Variants in ATP8A2 observed in about 807,000 individuals in gnomAD.
ATP8A2 encodes phospholipid-transporting ATPase IB.
A neutral mutation model predicts 165.6 loss-of-function variants in ATP8A2; 100 were observed. The observed-to-expected ratio is 0.60, with a 90% CI of 0.51 to 0.71. The LOEUF (loss-of-function observed/expected upper bound fraction) is 0.71, where lower values mean the gene tolerates loss of function less well. Ranked by LOEUF, ATP8A2 falls within the 30% of genes least tolerant of loss-of-function variation. The pLI is 0.00. For missense variants in ATP8A2, 1,227 were observed against 1,479.5 expected (o/e 0.83, Z 2.80); for synonymous variants, 543 against 548.8 (o/e 0.99, Z 0.15).
chr13:25,878,810 T>G (rs1952890306), intron 33 of ATP8A2, among the ~76,000 whole-genome samples: 2 of 152,018 alleles, frequency 1.3e-5, no homozygotes, highest in Non-Finnish European at 2.9e-5. Flanking sequence ...CACCTTCCAC[T>G]CACTCTGTCT....
chr13:25,839,541 C>G lies in ATP8A2; in HGVS notation c.2878-5C>G, dbSNP rs1376315982. The G allele has an allele frequency of 1.9e-6, 3 of 1,613,334 alleles. No homozygotes were observed. The highest frequency in any genetic ancestry group is 2.5e-6 in the Non-Finnish European group (3 of 1,179,454). ...TCCTGACTCCCTTGGTTTGTTTTTC[C>G]TTAGGTTTTCTGGGGTCACTGCATC... On this transcript the variant is annotated splice_polypyrimidine_tract_variant and splice_region_variant and intron_variant, in intron 29 of 36. Transcript: ENST00000381655.
intron 33 of ATP8A2, among the ~76,000 whole-genome samples, chr13:25,956,393 C>G (rs1056987925): frequency 6.6e-5 from 10 of 152,204 alleles, no homozygotes; most frequent in African/African-American, 2.4e-4. Context: ...CCCAAAATCT[C>G]CTTAAGCTGA....
intron 24 of ATP8A2, among the ~76,000 whole-genome samples, chr13:25,637,536 T>A (rs1228642316): frequency 6.6e-6 from 1 of 152,154 alleles, no homozygotes; most frequent in East Asian, 1.9e-4. Context: ...GAGATCGAAT[T>A]GCAAGATGGC....
chr13:25,604,296 T>C (rs927596295), intron 24 of ATP8A2, among the ~76,000 whole-genome samples: 2 of 152,108 alleles, frequency 1.3e-5, no homozygotes, highest in Admixed American at 1.3e-4. Flanking sequence ...GAAATAATTA[T>C]TGGATTTAGC....
chr13:25,645,847 T>C (rs1306159204), intron 24 of ATP8A2, among the ~76,000 whole-genome samples: 1 of 152,194 alleles, frequency 6.6e-6, no homozygotes, highest in Non-Finnish European at 1.5e-5. Context: ...ATGATCTGTC[T>C]TGGTGAATGC....
chr13:25,890,834 T>C (rs1295402417), intron 33 of ATP8A2, among the ~76,000 whole-genome samples: 2 of 152,246 alleles, frequency 1.3e-5, no homozygotes, highest in African/African-American at 4.8e-5. Flanking sequence ...ACAGAAGGTA[T>C]TGCTTAAAAA....
At chr13:25,565,372 C>T (rs748240279) in intron 16 of ATP8A2, among the ~76,000 whole-genome samples, 12 of 152,150 alleles carry the variant, frequency 7.9e-5, no homozygotes, top group Non-Finnish European at 1.6e-4. Flanking sequence ...TCCTGATCAC[C>T]GCATCCATGC....
intron 33 of ATP8A2, among the ~76,000 whole-genome samples, chr13:25,889,599 C>T (rs1953289285): frequency 6.6e-6 from 1 of 151,742 alleles, no homozygotes. Context: ...AGTATCATGG[C>T]TGCATCCTCC....
chr13:25,836,542 T>C (rs1461133762), intron 28 of ATP8A2, among the ~76,000 whole-genome samples: 2 of 152,176 alleles, frequency 1.3e-5, no homozygotes, highest in Admixed American at 1.3e-4. Flanking sequence ...CAGGTATTAA[T>C]AGTTTTGCAG....
At chr13:25,378,997 ACTTTT>A (rs2032741664) in intron 1 of ATP8A2, among the ~76,000 whole-genome samples, 1 of 152,254 alleles carries the variant, frequency 6.6e-6, no homozygotes, top group Admixed American at 6.5e-5. Flanking sequence ...ATATTTGTAT[ACTTTT>A]CTTTTTAAAT....
At chr13:25,920,345 T>A (rs1954411335) in intron 33 of ATP8A2, among the ~76,000 whole-genome samples, 1 of 152,204 alleles carries the variant, frequency 6.6e-6, no homozygotes, top group South Asian at 2.1e-4. Context: ...TCACCCTTCC[T>A]GGTGCTGGAC....
chr13:25,658,873 C>T (rs1387152793), intron 24 of ATP8A2, among the ~76,000 whole-genome samples: 1 of 152,162 alleles, frequency 6.6e-6, no homozygotes. Context: ...TCCCTGATTA[C>T]AAAGAGTCAA....
chr13:25,429,653 G>A (rs1284806715), intron 1 of ATP8A2, among the ~76,000 whole-genome samples: 3 of 152,228 alleles, frequency 2.0e-5, no homozygotes, highest in Admixed American at 2.0e-4. Flanking sequence ...CTTGGTACCA[G>A]TGGGGAGATA....
chr13:26,011,490 A>G (rs1303949055), intron 35 of ATP8A2, among the ~76,000 whole-genome samples: 1 of 152,168 alleles, frequency 6.6e-6, no homozygotes, highest in East Asian at 1.9e-4. Context: ...CAACATGTGA[A>G]TTTAGAGGGG....
At chr13:25,623,584 A>G (rs1360554556) in intron 24 of ATP8A2, among the ~76,000 whole-genome samples, 8 of 152,198 alleles carry the variant, frequency 5.3e-5, no homozygotes, top group African/African-American at 1.9e-4. Context: ...GTTTTGAAAC[A>G]TAGTAGTTTT....
At chr13:25,937,304 A>G (rs955727603) in intron 33 of ATP8A2, among the ~76,000 whole-genome samples, 1 of 121,528 alleles carries the variant, frequency 8.2e-6, no homozygotes, top group Non-Finnish European at 1.8e-5. Flanking sequence ...CATAGAAGTC[A>G]TTCACTCAAC....
At chr13:25,561,587 T>C (rs1439836366) in intron 15 of ATP8A2, among the ~76,000 whole-genome samples, 4 of 146,550 alleles carry the variant, frequency 2.7e-5, no homozygotes, top group East Asian at 2.3e-4. Context: ...CTGGTGATCA[T>C]TGGCTGTGTG....
chr13:25,562,995 G>A (rs560264013), intron 15 of ATP8A2, among the ~76,000 whole-genome samples: 1 of 152,262 alleles, frequency 6.6e-6, no homozygotes, highest in East Asian at 1.9e-4. Context: ...TTGCATTTTA[G>A]GTGCTCCCCC....
At chr13:25,474,169 T>C (rs934212530) in intron 2 of ATP8A2, among the ~76,000 whole-genome samples, 7 of 151,540 alleles carry the variant, frequency 4.6e-5, no homozygotes, top group African/African-American at 1.7e-4. Flanking sequence ...GTCAAGTTAC[T>C]GCATTTCTTC....
Sources: gnomAD v4.1 joint callset for allele counts (sites outside exome capture counted in the v4.1 genomes callset) on GRCh38, gnomAD v4.1.1 for gene constraint, MANE v1.5 for transcripts, NCBI Gene and HGNC (gene_info 2026-07-23, HGNC 2026-07-21) for gene names.